Variants in MBD3 observed in about 807,000 individuals in gnomAD.
MBD3 encodes the protein methyl-CpG-binding domain protein 3.
A neutral mutation model predicts 31.2 loss-of-function variants in MBD3; 13 were observed. The ratio of observed to expected loss-of-function variants is 0.42; its 90% CI spans 0.27 to 0.66. The LOEUF is 0.66. Ranked by LOEUF, MBD3 falls within the 30% of genes least tolerant of loss-of-function variation. The probability of loss-of-function intolerance (pLI) is 0.26; values close to 1 mark genes in which losing one functional copy is unlikely to be tolerated. For synonymous variants in MBD3, 223 were observed against 187.4 expected (o/e 1.19, Z -1.55); for missense variants, 440 against 426.5 (o/e 1.03, Z -0.28).
intron 5 of MBD3, among the ~76,000 whole-genome samples, chr19:1,579,441 C>A (rs904101362): frequency 2.6e-5 from 4 of 152,160 alleles, no homozygotes; most frequent in African/African-American, 9.7e-5. Flanking sequence ...CGCTCCTCTG[C>A]CTGCCGCCTC....
At chr19:1,588,268 A>T (rs764016182) in intron 1 of MBD3, among the ~76,000 whole-genome samples, 2 of 152,234 alleles carry the variant, frequency 1.3e-5, no homozygotes, top group East Asian at 3.9e-4. Context: ...CTCTTCCCGG[A>T]GATTTACTTT....
chr19:1,590,991 G>A (rs913455171), intron 1 of MBD3, among the ~76,000 whole-genome samples: 1 of 152,254 alleles, frequency 6.6e-6, no homozygotes, highest in Non-Finnish European at 1.5e-5. Flanking sequence ...CCAGGGCCCA[G>A]AGTGGGAATG....
At chr19:1,584,443 A>G (rs985116054) in intron 3 of MBD3, 97 bp downstream of exon 3, 1 of 1,553,626 alleles carries the variant, frequency 6.4e-7, no homozygotes, top group African/African-American at 1.4e-5. Flanking sequence ...TCCTGCGCTC[A>G]CTACGTCCGC....
chr19:1,581,042 C>T (rs367849479), intron 5 of MBD3, 50 bp downstream of exon 5: 21 of 1,608,798 alleles, frequency 1.3e-5, no homozygotes, highest in Admixed American at 3.3e-5. Flanking sequence ...AGGGTCCCCA[C>T]GGCCACAAGA....
rs932023822 is a variant in MBD3, at chr19:1,578,882, T to G, written c.678-344A>C. ...CTCCTGTCCCTTGACAGGCACTGAG[T>G]GGGGCAGGAAAACCCTCACCAGGCC... is the stretch of plus-strand genomic sequence containing the variant. On this transcript the variant is annotated intron_variant, in intron 5 of 6. Transcript: ENST00000434436. The surrounding 1 kb of genome is among the most constrained non-coding windows in gnomAD (Gnocchi z 6.1). Among the ~76,000 whole-genome samples the G allele has an allele frequency of 1.3e-5, 2 of 151,744 alleles. No individual in the cohort carries two copies. The highest frequency in any genetic ancestry group is 2.4e-5 in the African/African-American group (1 of 41,322).
In MBD3 at chr19:1,585,131, C is replaced by G; in HGVS notation, c.194G>C (p.Arg65Pro). The change falls in exon 2 of 7, where the codon CGC becomes CCC. Residue 65 changes from arginine to proline, a missense_variant. Around this residue, in one of 3 missense-constraint regions of MBD3, gnomAD observed 179 missense variants for 134.7 expected, o/e 1.33. Coordinates refer to ENST00000434436, the MANE Select transcript of MBD3 (RefSeq NM_001281453.2). This position sits in a 1 kb window ranked among gnomAD's most constrained non-coding sequence, Gnocchi z 4.1. ...GSMDLSTFDF[R>P]TGKMLMSKMN... ...CTTGCTCATCAGCATCTTGCCCGTG[C>G]GGAAGTCGAAGGTGCTCAGGTCCAT... is the stretch of plus-strand genomic sequence containing the variant. 1 of 1,612,022 alleles carries G rather than the reference C, an allele frequency of 6.2e-7. No homozygotes were observed. The highest frequency in any genetic ancestry group is 8.5e-7 in the Non-Finnish European group (1 of 1,179,492).
chr19:1,592,648 G>T lies in MBD3; in HGVS notation c.-17C>A. On this transcript the variant is annotated 5_prime_UTR_variant, in exon 1 of 7. Coordinates refer to ENST00000434436, the MANE Select transcript of MBD3 (RefSeq NM_001281453.2). ...CCGCTCCATTGCGCCCGGCTCCTCG[G>T]CCCGCCGCCGGGCCCGCCGCCGCCG... 1 of 1,159,748 alleles carries T rather than the reference G, an allele frequency of 8.6e-7. No homozygotes were observed. The highest frequency in any genetic ancestry group is 1.1e-6 in the Non-Finnish European group (1 of 904,338). 71.8% of individuals were successfully genotyped at this position (1,159,748 alleles called of 1,614,324 possible). A position where few individuals can be genotyped will look rare whatever the true frequency, so the allele number is the denominator to read the frequency against.
intron 4 of MBD3, chr19:1,581,545 C>A (rs563069376): frequency 3.2e-4 from 166 of 522,710 alleles, no homozygotes; most frequent in African/African-American, 2.6e-3. Flanking sequence ...GAGTTTGAGA[C>A]CAGCCTGGAC....
Position 1,574,919 on chromosome 19 carries a change from C to T in MBD3, c.*3245G>A, listed in dbSNP as rs1020967894. On this transcript the variant is annotated 3_prime_UTR_variant, in exon 7 of 7. Transcript: ENST00000434436. ...TGGGGGCTGCAGGGACAGCAAGGCA[C>T]GGGCCCTGGGTGTGGCAGGAGAGGC... is the stretch of plus-strand genomic sequence containing the variant. 4 of 298,428 alleles carry T rather than the reference C, an allele frequency of 1.3e-5. No individual in the cohort carries two copies. Among genetic ancestry groups the T allele is most frequent in the African/African-American group, 6.8e-5 (3 of 43,992 alleles). The allele number at this position is 298,428 out of a possible 1,614,324, so 18.5% of individuals were successfully genotyped here. A position where few individuals can be genotyped will look rare whatever the true frequency, so the allele number is the denominator to read the frequency against.
chr19:1,586,636 G>C (rs542534012), intron 1 of MBD3, among the ~76,000 whole-genome samples: 1 of 150,916 alleles, frequency 6.6e-6, no homozygotes, highest in South Asian at 2.1e-4. Flanking sequence ...AGTCTCCCAA[G>C]TAGCTAGGAC....
In MBD3 at chr19:1,592,727, C is replaced by G. The variant is rs985961501; in HGVS notation, c.-96G>C. ...CAGCTGCCTCCGCTGCCGCTGCCGC[C>G]GCCGCCACTTGCCGCGGCTGTTCCG... On this transcript the variant is annotated 5_prime_UTR_variant, in exon 1 of 7. Coordinates refer to ENST00000434436, the MANE Select transcript of MBD3 (RefSeq NM_001281453.2). 3.6e-6 allele frequency: 1 copy of G among 276,638 alleles called. No homozygotes were observed. The highest frequency in any genetic ancestry group is 2.3e-5 in the African/African-American group (1 of 43,344). The allele number at this position is 276,638 out of a possible 1,614,324, so 17.1% of individuals were successfully genotyped here. A position where few individuals can be genotyped will look rare whatever the true frequency, so the allele number is the denominator to read the frequency against.
chr19:1,592,604 C>A lies in MBD3; in HGVS notation c.28G>T (p.Ala10Ser). Reference sequence around the variant, plus strand: ...TCCCTCTCCCAGCCCTGCGGGAGCGCCGGGCACTCCCACCTCTTCCGCTCC... The same window carrying A: ...TCCCTCTCCCAGCCCTGCGGGAGCGACGGGCACTCCCACCTCTTCCGCTCC... Reference protein sequence around the residue: MERKRWECPALPQGWEREEV... With the variant: MERKRWECPSLPQGWEREEV... Residue 10 changes from alanine (A) to serine (S), a missense_variant, in exon 1 of 7, where the codon GCG becomes TCG. Coordinates refer to ENST00000434436, the MANE Select transcript of MBD3 (RefSeq NM_001281453.2). The A allele has an allele frequency of 7.1e-7, 1 of 1,400,870 alleles. No homozygotes were observed. Among genetic ancestry groups the A allele is most frequent in the Non-Finnish European group, 9.5e-7 (1 of 1,051,920 alleles). 86.8% of individuals were successfully genotyped at this position (1,400,870 alleles called of 1,614,324 possible).
chr19:1,590,566 G>C (rs1267036924), intron 1 of MBD3, among the ~76,000 whole-genome samples: 1 of 152,174 alleles, frequency 6.6e-6, no homozygotes, highest in Non-Finnish European at 1.5e-5. Context: ...TGCGTAAGCC[G>C]TGATTGTACC....
At chr19:1,582,223 C>T (rs1325400003) in intron 4 of MBD3, among the ~76,000 whole-genome samples, 1 of 152,150 alleles carries the variant, frequency 6.6e-6, no homozygotes, top group Non-Finnish European at 1.5e-5. Flanking sequence ...AAAAAACAAC[C>T]ACCAAAACCA....
chr19:1,584,727 G>C (rs201597427), intron 2 of MBD3, 50 bp from the exon 3 acceptor site: 1 of 1,579,526 alleles, frequency 6.3e-7, no homozygotes, highest in Non-Finnish European at 8.6e-7. Context: ...CCGGCGGCGC[G>C]GAGCCTCAGG....
Position 1,585,705 on chromosome 19 carries a change from C to A in MBD3, c.111-491G>T, listed in dbSNP as rs2060676090. On this transcript the variant is annotated intron_variant, in intron 1 of 6. Coordinates refer to ENST00000434436, the MANE Select transcript of MBD3 (RefSeq NM_001281453.2). The surrounding 1 kb of genome is among the most constrained non-coding windows in gnomAD (Gnocchi z 4.1). Reference sequence around the variant, plus strand: ...AACATTCCAGACATGGAATTTAGGTCACATTCTTGAGAAAAGACCCCACGG... The same window carrying A: ...AACATTCCAGACATGGAATTTAGGTAACATTCTTGAGAAAAGACCCCACGG... Among the ~76,000 whole-genome samples the A allele has an allele frequency of 6.6e-6, 1 of 152,196 alleles. No homozygotes were observed. The highest frequency in any genetic ancestry group is 6.5e-5 in the Admixed American group (1 of 15,272).
rs955930657 is a variant in MBD3 at position 1,578,041 on chromosome 19, C to T, written c.*123G>A. ...CGGGCCGAGGAGGGAGCCAGGAGCA[C>T]GGCCTTCCTCCTGGGTGTCTCCAAG... On this transcript the variant is annotated 3_prime_UTR_variant, in exon 7 of 7. Coordinates refer to ENST00000434436, the MANE Select transcript of MBD3 (RefSeq NM_001281453.2). The surrounding 1 kb of genome is among the most constrained non-coding windows in gnomAD (Gnocchi z 6.1). 1.5e-5 allele frequency: 8 copies of T among 525,806 alleles called. No homozygotes were observed. Among genetic ancestry groups the T allele is most frequent in the East Asian group, 6.7e-5 (2 of 29,720 alleles). The allele number at this position is 525,806 out of a possible 1,614,324, so 32.6% of individuals were successfully genotyped here.
At chr19:1,582,268 C>T (rs967967097) in intron 4 of MBD3, among the ~76,000 whole-genome samples, 7 of 152,166 alleles carry the variant, frequency 4.6e-5, no homozygotes, top group Admixed American at 3.9e-4. Flanking sequence ...GTGGTGTGGA[C>T]GTGCTGGGAG....
intron 1 of MBD3, among the ~76,000 whole-genome samples, chr19:1,590,251 T>A (rs2060697615): frequency 1.3e-5 from 2 of 152,086 alleles, no homozygotes; most frequent in South Asian, 2.1e-4. Flanking sequence ...TGGGCTGGGA[T>A]TGCGTCACTG....
Sources: allele counts gnomAD v4.1 joint callset (sites outside exome capture counted in the v4.1 genomes callset), GRCh38; gene constraint gnomAD v4.1.1; regional missense constraint gnomAD v4.1.1; non-coding constraint Gnocchi (gnomAD v3.1); transcripts MANE v1.5; gene names NCBI Gene and HGNC (gene_info 2026-07-23, HGNC 2026-07-21).